ABHD5: variants seen among roughly 807,000 people sequenced by gnomAD.
ABHD5 encodes the protein 1-acylglycerol-3-phosphate O-acyltransferase ABHD5.
Under a neutral mutation model 44.9 loss-of-function variants are expected in ABHD5, and 30 were observed. The observed-to-expected ratio is 0.67, with a 90% CI of 0.50 to 0.91. The LOEUF is 0.91. Among genes scored for constraint, ABHD5 ranks in the 40% least tolerant of loss-of-function variants. The probability of loss-of-function intolerance (pLI) is 0.00; values close to 1 mark genes in which losing one functional copy is unlikely to be tolerated. For synonymous variants in ABHD5, 167 were observed against 147.0 expected (o/e 1.14, Z -0.99); for missense variants, 399 against 423.4 (o/e 0.94, Z 0.50).
At chr3:43,728,828 AC>A (rs2084895041) in intron 7 of ABHD5, among the ~76,000 whole-genome samples, 1 of 152,192 alleles carries the variant, frequency 6.6e-6, no homozygotes, top group African/African-American at 2.4e-5. Context: ...AGTGAGCCTT[AC>A]ACGTAAAGCC....
At chr3:43,704,821 A>C (rs888590319) in intron 3 of ABHD5, among the ~76,000 whole-genome samples, 1 of 152,250 alleles carries the variant, frequency 6.6e-6, no homozygotes, top group Non-Finnish European at 1.5e-5. Context: ...CTAGAAATAA[A>C]ACTAGAGTAC....
chr3:43,707,204 C>T (rs1049320323), intron 3 of ABHD5, among the ~76,000 whole-genome samples: 8 of 152,006 alleles, frequency 5.3e-5, no homozygotes, highest in East Asian at 3.9e-4. Context: ...TTATAAACTA[C>T]GGAAAAGGAG....
chr3:43,731,008 T>C (rs2084909466), intron 7 of ABHD5, among the ~76,000 whole-genome samples: 1 of 152,072 alleles, frequency 6.6e-6, no homozygotes, highest in Non-Finnish European at 1.5e-5. Context: ...TTTTGTATTT[T>C]TAATAGAGAC....
chr3:43,696,859 C>G (rs12489159), intron 1 of ABHD5, among the ~76,000 whole-genome samples: 9,106 of 152,006 alleles, frequency 0.06, 447 homozygotes, highest in South Asian at 0.12. Flanking sequence ...AAATATCTTG[C>G]TATGTTTTGT....
At chr3:43,732,349 G>A (rs1252580590) in intron 7 of ABHD5, among the ~76,000 whole-genome samples, 1 of 152,156 alleles carries the variant, frequency 6.6e-6, no homozygotes, top group Non-Finnish European at 1.5e-5. Flanking sequence ...AGACTCGCTT[G>A]AACCTGGGAG....
intron 2 of ABHD5, among the ~76,000 whole-genome samples, chr3:43,700,863 C>G (rs1390601891): frequency 6.6e-6 from 1 of 152,158 alleles, no homozygotes; most frequent in Non-Finnish European, 1.5e-5. Context: ...CATGAGCTAC[C>G]ACGCCCAGTT....
At chr3:43,731,859 TAAAATTA>T (rs1227793109) in intron 7 of ABHD5, among the ~76,000 whole-genome samples, 1 of 151,408 alleles carries the variant, frequency 6.6e-6, no homozygotes, top group African/African-American at 2.4e-5. Flanking sequence ...AAATAAAAAT[TAAAATTA>T]AAAATTAAGA....
downstream of ABHD5, among the ~76,000 whole-genome samples, chr3:43,724,534 A>G (rs532275919): frequency 3.9e-5 from 6 of 152,342 alleles, no homozygotes; most frequent in African/African-American, 4.8e-5. Flanking sequence ...CAATATGGTA[A>G]TATTAGAAGT....
chr3:43,700,184 A>G (rs112616135), intron 2 of ABHD5, among the ~76,000 whole-genome samples: 3,450 of 152,294 alleles, frequency 0.023, 78 homozygotes, highest in African/African-American at 0.057. Flanking sequence ...GGATTCTTAT[A>G]AAATGAATGG....
At chr3:43,692,068 G>A (rs1036595256) in intron 1 of ABHD5, among the ~76,000 whole-genome samples, 16 of 152,190 alleles carry the variant, frequency 1.1e-4, no homozygotes, top group African/African-American at 3.9e-4. Context: ...CTCAAGGCCT[G>A]TCGTTTGTAT....
At chr3:43,713,649 C>G (rs6762088) in intron 4 of ABHD5, among the ~76,000 whole-genome samples, 16,579 of 152,244 alleles carry the variant, frequency 0.11, 1,299 homozygotes, top group South Asian at 0.23. Flanking sequence ...CCACTCCTTA[C>G]TATGCCTGGT....
At chr3:43,702,036 A>T (rs547711931) in intron 2 of ABHD5, 179 bp from the exon 3 acceptor site, 11 of 606,912 alleles carry the variant, frequency 1.8e-5, no homozygotes, top group Non-Finnish European at 3.1e-5. Context: ...GGTGTAAAAC[A>T]TGGTCATTTA....
At chr3:43,732,458 A>G (rs1451756431) in intron 7 of ABHD5, among the ~76,000 whole-genome samples, 1 of 152,090 alleles carries the variant, frequency 6.6e-6, no homozygotes, top group Admixed American at 6.6e-5. Flanking sequence ...AACAGAATAG[A>G]GGGGAGATGT....
chr3:43,697,352 A>G (rs2084486237), intron 1 of ABHD5, among the ~76,000 whole-genome samples: 1 of 152,020 alleles, frequency 6.6e-6, no homozygotes, highest in African/African-American at 2.4e-5. Flanking sequence ...ATTTTTTTTA[A>G]TTGACCTCTG....
intron 3 of ABHD5, among the ~76,000 whole-genome samples, chr3:43,709,231 G>T: frequency 6.7e-6 from 1 of 150,270 alleles, no homozygotes; most frequent in Admixed American, 6.6e-5. Flanking sequence ...CAATTGTAGG[G>T]ACAGTAGAAT....
chr3:43,693,078 TGA>T (rs972155778), intron 1 of ABHD5, among the ~76,000 whole-genome samples: 1 of 152,178 alleles, frequency 6.6e-6, no homozygotes, highest in African/African-American at 2.4e-5. Context: ...CTAAATGTAA[TGA>T]GAGTAGAGTA....
intron 1 of ABHD5, among the ~76,000 whole-genome samples, chr3:43,695,480 T>C (rs1575598662): frequency 1.3e-5 from 2 of 152,212 alleles, no homozygotes; most frequent in African/African-American, 4.8e-5. Context: ...GAGGCCATTT[T>C]AAACAAAATT....
chr3:43,700,259 CT>C (rs981875220), intron 2 of ABHD5, among the ~76,000 whole-genome samples: 2 of 151,918 alleles, frequency 1.3e-5, no homozygotes, highest in Non-Finnish European at 2.9e-5. Context: ...GTGGAAGCCC[CT>C]TTTTTTTCCT....
In ABHD5 at chr3:43,718,345, G is replaced by A; in HGVS notation, c.961-98G>A. On this transcript the variant is annotated intron_variant, in intron 6 of 6. Coordinates refer to ENST00000644371, the MANE Select transcript of ABHD5 (RefSeq NM_016006.6). ...ATCACGTGTTTTATTTAAATACAGT[G>A]GCTCTCACTTTTATTACTAAGTGTC... 3 of 926,358 alleles carry A rather than the reference G, an allele frequency of 3.2e-6. No individual in the cohort carries two copies. In the South Asian group the frequency reaches 3.9e-5, roughly 12 times the overall value. 57.4% of individuals were successfully genotyped at this position (926,358 alleles called of 1,614,324 possible). A position where few individuals can be genotyped will look rare whatever the true frequency, so the allele number is the denominator to read the frequency against.
Sources: allele counts gnomAD v4.1 joint callset (sites outside exome capture counted in the v4.1 genomes callset), GRCh38; gene constraint gnomAD v4.1.1; transcripts MANE v1.5; gene names NCBI Gene and HGNC (gene_info 2026-07-23, HGNC 2026-07-21).